MGMT: variants seen among roughly 807,000 people sequenced by gnomAD.
The protein encoded by MGMT is O-6-methylguanine-DNA methyltransferase.
MGMT carries 14 observed loss-of-function variants against 15.9 expected under a neutral mutation model. The observed-to-expected ratio is 0.88, with a 90% CI of 0.58 to 1.37. MGMT has a LOEUF of 1.37. Among genes scored for constraint, MGMT ranks in the 40% most tolerant of loss-of-function variants. The pLI, the probability that MGMT is intolerant of heterozygous loss-of-function variation, is 0.00. For synonymous variants in MGMT, 130 were observed against 118.2 expected (o/e 1.10, Z -0.65); for missense variants, 282 against 268.1 (o/e 1.05, Z -0.36).
intron 1 of MGMT, among the ~76,000 whole-genome samples, chr10:129,474,577 A>C (rs1464009189): frequency 6.6e-6 from 1 of 152,136 alleles, no homozygotes; most frequent in Non-Finnish European, 1.5e-5. Flanking sequence ...CTGAGGCGGG[A>C]GATTTCCCGA....
At chr10:129,597,158 T>C (rs575603909) in intron 2 of MGMT, among the ~76,000 whole-genome samples, 20 of 152,296 alleles carry the variant, frequency 1.3e-4, no homozygotes, top group Middle Eastern at 3.4e-3. Flanking sequence ...CAGTGTTGGA[T>C]GTCAGGAAGT....
rs201225352 is a variant in MGMT at position 129,736,463 on chromosome 10, G to A, written c.275-22739G>A. On this transcript the variant is annotated intron_variant, in intron 3 of 4. Coordinates refer to ENST00000651593, the MANE Select transcript of MGMT (RefSeq NM_002412.5). ...TTTGAGCCTGTGTGTGTCTCTGCCC[G>A]TGAGATGGGTTTCCTGAATACAGCA... Among the ~76,000 whole-genome samples the A allele has an allele frequency of 7.7e-3, 1,056 of 136,494 alleles. 13 individuals are homozygous for A. The highest frequency in any genetic ancestry group is 0.013 in the Non-Finnish European group (797 of 61,798). 89.5% of individuals were successfully genotyped at this position (136,494 alleles called of 152,430 possible).
intron 2 of MGMT, among the ~76,000 whole-genome samples, chr10:129,646,736 A>T (rs1209083484): frequency 2.0e-5 from 2 of 99,400 alleles, no homozygotes; most frequent in Non-Finnish European, 4.4e-5. Context: ...ATATATATAT[A>T]TATATATATA....
intron 1 of MGMT, among the ~76,000 whole-genome samples, chr10:129,510,364 C>T (rs900368391): frequency 2.0e-5 from 3 of 152,162 alleles, no homozygotes; most frequent in African/African-American, 7.2e-5. Context: ...TGAATCGGTG[C>T]AGAGCCACAC....
chr10:129,601,467 G>A (rs561415007), intron 2 of MGMT, among the ~76,000 whole-genome samples: 1 of 152,286 alleles, frequency 6.6e-6, no homozygotes, highest in East Asian at 1.9e-4. Context: ...CACTGCTCTT[G>A]GAAGGAGGGT....
intron 1 of MGMT, among the ~76,000 whole-genome samples, chr10:129,499,992 T>A (rs1166624096): frequency 6.6e-6 from 1 of 152,260 alleles, no homozygotes; most frequent in Admixed American, 6.5e-5. Flanking sequence ...AATTTGGAGT[T>A]AATTGTCCTG....
intron 2 of MGMT, among the ~76,000 whole-genome samples, chr10:129,592,013 C>G (rs919129152): frequency 3.9e-5 from 6 of 152,168 alleles, no homozygotes; most frequent in African/African-American, 1.2e-4. Context: ...CCTGGAGCAC[C>G]TCTCTTTTTA....
chr10:129,511,433 C>T (rs61749981), intron 1 of MGMT, among the ~76,000 whole-genome samples: 23,392 of 149,700 alleles, frequency 0.16, 2,474 homozygotes, highest in African/African-American at 0.3. Flanking sequence ...ATATACCAGA[C>T]GCAGCCACAT....
intron 1 of MGMT, among the ~76,000 whole-genome samples, chr10:129,481,527 A>G (rs12254582): frequency 0.22 from 32,926 of 152,134 alleles, 4,187 homozygotes; most frequent in Non-Finnish European, 0.28. Context: ...TCTTCTTTAA[A>G]TGCTTCATAA....
At chr10:129,583,661 C>G (rs552551) in intron 2 of MGMT, among the ~76,000 whole-genome samples, 1 of 152,138 alleles carries the variant, frequency 6.6e-6, no homozygotes, top group African/African-American at 2.4e-5. Flanking sequence ...AGGGCCCTGT[C>G]TCTGTGGCAC....
intron 4 of MGMT, among the ~76,000 whole-genome samples, chr10:129,760,175 G>A (rs984407262): frequency 3.3e-5 from 5 of 152,318 alleles, no homozygotes; most frequent in East Asian, 1.9e-4. Context: ...CAGCTGGGCC[G>A]CGGGCCATCT....
chr10:129,690,222 T>C (rs921501286), intron 2 of MGMT, among the ~76,000 whole-genome samples: 5 of 152,236 alleles, frequency 3.3e-5, no homozygotes, highest in African/African-American at 9.6e-5. Context: ...TGTAGAATTA[T>C]GTCTTTTAGA....
chr10:129,624,294 A>G (rs772052873), intron 2 of MGMT, among the ~76,000 whole-genome samples: 15 of 152,084 alleles, frequency 9.9e-5, no homozygotes, highest in Non-Finnish European at 1.9e-4. Flanking sequence ...GACAGTTTCC[A>G]TCTCATGGTG....
chr10:129,593,163 C>T (rs894965718), intron 2 of MGMT, among the ~76,000 whole-genome samples: 10 of 152,070 alleles, frequency 6.6e-5, no homozygotes, highest in Admixed American at 3.9e-4. Context: ...GGAGGGTCTT[C>T]GGGCATCCTA....
At chr10:129,531,667 G>A (rs1845933427) in intron 1 of MGMT, among the ~76,000 whole-genome samples, 1 of 152,030 alleles carries the variant, frequency 6.6e-6, no homozygotes, top group African/African-American at 2.4e-5. Flanking sequence ...GAAGAACTGT[G>A]CCAAATGCTC....
At chr10:129,758,712 G>A (rs574977183) in intron 3 of MGMT, among the ~76,000 whole-genome samples, 34 of 152,340 alleles carry the variant, frequency 2.2e-4, no homozygotes, top group East Asian at 1.4e-3. Flanking sequence ...GTAGCTGGGG[G>A]AATCCTGCAC....
intron 3 of MGMT, among the ~76,000 whole-genome samples, chr10:129,720,815 CCTGGAT>C (rs1207578315): frequency 6.6e-6 from 1 of 152,124 alleles, no homozygotes; most frequent in Non-Finnish European, 1.5e-5. Flanking sequence ...TGTCCCTGGA[CCTGGAT>C]CTCTCTTGAG....
intron 2 of MGMT, among the ~76,000 whole-genome samples, chr10:129,691,410 G>A (rs913020372): frequency 6.6e-6 from 1 of 152,228 alleles, no homozygotes; most frequent in Non-Finnish European, 1.5e-5. Context: ...GGGCCCAGAC[G>A]TCAGCCCCAG....
chr10:129,682,336 A>G (rs1414402803), intron 2 of MGMT, among the ~76,000 whole-genome samples: 1 of 152,114 alleles, frequency 6.6e-6, no homozygotes, highest in Admixed American at 6.5e-5. Flanking sequence ...CCAACTATTG[A>G]TACACGGTAC....
Sources: allele counts gnomAD v4.1 joint callset (sites outside exome capture counted in the v4.1 genomes callset), GRCh38; gene constraint gnomAD v4.1.1; transcripts MANE v1.5; gene names NCBI Gene and HGNC (gene_info 2026-07-23, HGNC 2026-07-21).